The following OTUD7B variants were observed in gnomAD, a reference collection of about 807,000 sequenced individuals.
OTUD7B encodes OTU domain-containing protein 7B.
OTUD7B carries 34 observed loss-of-function variants against 82.2 expected under a neutral mutation model. The observed-to-expected ratio is 0.41, with a 90% CI of 0.31 to 0.55. OTUD7B has a LOEUF of 0.55. OTUD7B is among the 20% of genes least tolerant of loss of function. The probability of loss-of-function intolerance (pLI) is 0.20; values close to 1 mark genes in which losing one functional copy is unlikely to be tolerated. For synonymous variants in OTUD7B, 398 were observed against 402.7 expected (o/e 0.99, Z 0.14); for missense variants, 944 against 1,062.1 (o/e 0.89, Z 1.55).
intron 1 of OTUD7B, among the ~76,000 whole-genome samples, chr1:149,995,492 T>C (rs1553783142): frequency 1.3e-5 from 2 of 151,992 alleles, no homozygotes; most frequent in Admixed American, 1.3e-4. Context: ...GCCAGGGGAA[T>C]CGCTTGAACC....
chr1:150,063,778 C>T, the OTUD7B span, among the ~76,000 whole-genome samples: 1 of 152,162 alleles, frequency 6.6e-6, no homozygotes, highest in African/African-American at 2.4e-5. Flanking sequence ...GCTTTTGCTA[C>T]CATAAAGCTC....
chr1:150,021,456 T>C, the OTUD7B span, among the ~76,000 whole-genome samples: 1 of 152,184 alleles, frequency 6.6e-6, no homozygotes, highest in Non-Finnish European at 1.5e-5. Context: ...TCTTGTCATC[T>C]TACCAAGTTC....
At chr1:149,984,575 A>G (rs1256500377) in intron 1 of OTUD7B, among the ~76,000 whole-genome samples, 2 of 152,114 alleles carry the variant, frequency 1.3e-5, no homozygotes, top group Non-Finnish European at 2.9e-5. Flanking sequence ...CTTCTCATTG[A>G]AACTTCATTC....
the OTUD7B span, chr1:150,054,152 G>A: frequency 1.1e-4 from 38 of 354,854 alleles, no homozygotes; most frequent in African/African-American, 7.6e-4. Context: ...ACCAGCTGGT[G>A]GTGGCAAGAA....
chr1:149,949,950 A>T (rs1648059695), intron 8 of OTUD7B, 144 bp downstream of exon 8: 9 of 1,294,450 alleles, frequency 7.0e-6, no homozygotes, highest in Non-Finnish European at 9.5e-6. Context: ...GAATCTCTTG[A>T]GAATTTTGCA....
chr1:150,055,322 G>A, the OTUD7B span, among the ~76,000 whole-genome samples: 1 of 152,150 alleles, frequency 6.6e-6, no homozygotes, highest in Non-Finnish European at 1.5e-5. Context: ...ACAGGCGTGA[G>A]CCACTGCGCC....
chr1:149,977,505 G>C lies in OTUD7B; in HGVS notation c.6C>G (p.Thr2=), dbSNP rs587606263. The C allele has an allele frequency of 6.2e-7, 1 of 1,613,708 alleles. No homozygotes were observed. The highest frequency in any genetic ancestry group is 8.5e-7 in the Non-Finnish European group (1 of 1,179,694). M[T]LDMDAVLSDF... ...CTGACAGAACAGCATCCATGTCCAG[G>C]GTCATGTGATCCTCAAGTACTTTCA... Residue 2 remains threonine, a synonymous_variant, in exon 2 of 12, where the codon ACC becomes ACG. Coordinates refer to ENST00000581312, the MANE Select transcript of OTUD7B (RefSeq NM_020205.4).
In OTUD7B at chr1:149,943,745, T is replaced by C; in HGVS notation, c.*112A>G. 8.5e-7 allele frequency: 1 copy of C among 1,180,386 alleles called. No individual in the cohort carries two copies. The highest frequency in any genetic ancestry group is 1.2e-6 in the Non-Finnish European group (1 of 816,684). The allele number at this position is 1,180,386 out of a possible 1,614,324, so 73.1% of individuals were successfully genotyped here. A position where few individuals can be genotyped will look rare whatever the true frequency, so the allele number is the denominator to read the frequency against. On this transcript the variant is annotated 3_prime_UTR_variant, in exon 12 of 12. Transcript: ENST00000581312. ...CACACTTAAAAGTTTCCAGCCAGGC[T>C]CCCACAAACATTACTGCATTTTCCC...
chr1:149,939,506 T>G lies in OTUD7B; in HGVS notation c.*4351A>C, dbSNP rs587775260. ...CTGCATGACTCATCCAGATCTATAG[T>G]TGAAAGGCCTGGAGGGAAAGAAGGA... On this transcript the variant is annotated 3_prime_UTR_variant, in exon 12 of 12. Transcript: ENST00000581312. 5 of 152,094 alleles carry G rather than the reference T, an allele frequency of 3.3e-5. No homozygotes were observed. The highest frequency in any genetic ancestry group is 4.8e-5 in the African/African-American group (2 of 41,408). 9.4% of individuals were successfully genotyped at this position (152,094 alleles called of 1,614,324 possible). A position where few individuals can be genotyped will look rare whatever the true frequency, so the allele number is the denominator to read the frequency against.
the OTUD7B span, among the ~76,000 whole-genome samples, chr1:150,031,431 C>T: frequency 6.6e-6 from 1 of 152,162 alleles, no homozygotes; most frequent in African/African-American, 2.4e-5. Flanking sequence ...GCAAGTCAGA[C>T]AAACTAATTT....
At chr1:149,945,114 G>C (rs782759210) in intron 11 of OTUD7B, 49 bp from the exon 12 acceptor site, 1 of 1,573,160 alleles carries the variant, frequency 6.4e-7, no homozygotes, top group Admixed American at 1.8e-5. Context: ...AGCCTGGGGT[G>C]GGGGAATCCC....
the OTUD7B span, among the ~76,000 whole-genome samples, chr1:150,043,812 T>C: frequency 6.6e-6 from 1 of 152,176 alleles, no homozygotes; most frequent in African/African-American, 2.4e-5. Context: ...ACACAATGTA[T>C]ATAAAAACAA....
intron 1 of OTUD7B, among the ~76,000 whole-genome samples, chr1:150,006,211 A>C (rs1652655124): frequency 1.3e-5 from 2 of 152,200 alleles, no homozygotes; most frequent in African/African-American, 4.8e-5. Flanking sequence ...TAATCCCAGC[A>C]CTTTGGGAGG....
chr1:150,049,762 A>AT, the OTUD7B span, among the ~76,000 whole-genome samples: 6 of 149,758 alleles, frequency 4.0e-5, no homozygotes, highest in African/African-American at 1.5e-4. Flanking sequence ...TAATTTCTGT[A>AT]TTTTTTATAG....
upstream of OTUD7B, among the ~76,000 whole-genome samples, chr1:150,010,925 C>T (rs1553787254): frequency 1.3e-5 from 2 of 152,184 alleles, no homozygotes; most frequent in African/African-American, 4.8e-5. Context: ...CCCTAAAGCT[C>T]CTGGTCTGGA....
chr1:149,946,340 G>A (rs1647735301), intron 11 of OTUD7B, among the ~76,000 whole-genome samples: 1 of 152,102 alleles, frequency 6.6e-6, no homozygotes, highest in African/African-American at 2.4e-5. Context: ...TCCAGCCTGG[G>A]CATCAAGAGC....
intron 1 of OTUD7B, among the ~76,000 whole-genome samples, chr1:149,988,007 C>A (rs782399028): frequency 3.9e-5 from 6 of 152,200 alleles, no homozygotes; most frequent in Non-Finnish European, 8.8e-5. Flanking sequence ...CCTCTTACTA[C>A]TTCTACTCAT....
rs1647996493 is a variant in OTUD7B, at chr1:149,949,204, A to C, written c.1124-121T>G. On this transcript the variant is annotated intron_variant, in intron 9 of 11. Transcript: ENST00000581312. ...ATTGTAGTCACTTCTCAATTCTTAC[A>C]CGTGAATTACCCCGGTATTAAAACT... 4 of 645,616 alleles carry C rather than the reference A, an allele frequency of 6.2e-6. No individual in the cohort carries two copies. The Admixed American group carries it at 8.0e-5, about 13-fold the overall frequency. The allele number at this position is 645,616 out of a possible 1,614,324, so 40.0% of individuals were successfully genotyped here. A position where few individuals can be genotyped will look rare whatever the true frequency, so the allele number is the denominator to read the frequency against.
chr1:150,016,441 CTTTTCT>C, the OTUD7B span, among the ~76,000 whole-genome samples: 2,874 of 13,284 alleles, frequency 0.22, 33 homozygotes, highest in Non-Finnish European at 0.33. Context: ...TTTTCTTTCT[CTTTTCT>C]TTTTCTTTTT....
Sources: gnomAD v4.1 joint callset for allele counts (sites outside exome capture counted in the v4.1 genomes callset) on GRCh38, gnomAD v4.1.1 for gene constraint, MANE v1.5 for transcripts, NCBI Gene and HGNC (gene_info 2026-07-23, HGNC 2026-07-21) for gene names.